DRD3: variants seen among roughly 807,000 people sequenced by gnomAD.
DRD3 encodes the protein dopamine receptor D3, also known as D(3) dopamine receptor.
DRD3 carries 19 observed loss-of-function variants against 36.3 expected under a neutral mutation model. That is an observed-to-expected ratio of 0.52 (90% CI 0.36 to 0.77). The LOEUF (loss-of-function observed/expected upper bound fraction) is 0.77, where lower values mean the gene tolerates loss of function less well. Among genes scored for constraint, DRD3 ranks in the 30% least tolerant of loss-of-function variants. The probability of loss-of-function intolerance (pLI) is 0.00; values close to 1 mark genes in which losing one functional copy is unlikely to be tolerated. For missense variants in DRD3, 465 were observed against 505.3 expected (o/e 0.92, Z 0.77); for synonymous variants, 195 against 203.7 (o/e 0.96, Z 0.36).
intron 3 of DRD3, among the ~76,000 whole-genome samples, chr3:114,156,972 CCTT>C (rs760813736): frequency 4.9e-4 from 71 of 146,252 alleles, no homozygotes; most frequent in Non-Finnish European, 8.2e-4. Context: ...TTCCTTCCTT[CCTT>C]CTTTCTTTCT....
chr3:114,147,957 A>T (rs1402673639), intron 3 of DRD3, among the ~76,000 whole-genome samples: 1 of 152,218 alleles, frequency 6.6e-6, no homozygotes, highest in Non-Finnish European at 1.5e-5. Flanking sequence ...TTTTCAAAAG[A>T]CCAGATGAAA....
chr3:114,185,055 A>G (rs1432778635), intron 1 of DRD3, among the ~76,000 whole-genome samples: 3 of 152,082 alleles, frequency 2.0e-5, no homozygotes, highest in African/African-American at 4.8e-5. Flanking sequence ...TTCATAATTC[A>G]CTGTCCTTAT....
chr3:114,194,319 A>G (rs757882102), intron 1 of DRD3, among the ~76,000 whole-genome samples: 25 of 151,992 alleles, frequency 1.6e-4, no homozygotes, highest in African/African-American at 4.8e-5. Flanking sequence ...GTCTCAGTCC[A>G]TCACCCAGGC....
intron 3 of DRD3, among the ~76,000 whole-genome samples, chr3:114,158,045 T>C (rs1223215423): frequency 6.6e-6 from 1 of 151,968 alleles, no homozygotes; most frequent in Admixed American, 6.6e-5. Flanking sequence ...GAGGTTACAG[T>C]GAGCCAAGAT....
rs180717612 is a variant in DRD3 at position 114,187,693 on chromosome 3, G to C, written c.-155-8917C>G. Among the ~76,000 whole-genome samples the C allele has an allele frequency of 9.0e-4, 137 of 152,290 alleles. 3 individuals are homozygous for C. The South Asian group carries it at 0.016, about 18-fold the overall frequency. ...TTTGGTATCACTAGAACTCTTGGGAGTTCAAAAACTCAGCTTTATTGGAAT... is the reference window on the plus strand; with the variant it reads ...TTTGGTATCACTAGAACTCTTGGGACTTCAAAAACTCAGCTTTATTGGAAT... On this transcript the variant is annotated intron_variant, in intron 1 of 7. Coordinates refer to the DRD3 transcript ENST00000460779.
chr3:114,193,935 T>C (rs989107522), intron 1 of DRD3, among the ~76,000 whole-genome samples: 1 of 152,248 alleles, frequency 6.6e-6, no homozygotes, highest in African/African-American at 2.4e-5. Context: ...ATTTTCCTGT[T>C]TCCTTATTCC....
chr3:114,136,452 A>G (rs944899589), intron 5 of DRD3, among the ~76,000 whole-genome samples: 29 of 152,290 alleles, frequency 1.9e-4, no homozygotes, highest in Admixed American at 3.9e-4. Context: ...CCACTCCCAG[A>G]TGGCAGGACA....
At chr3:114,149,063 A>G (rs563872546) in intron 3 of DRD3, among the ~76,000 whole-genome samples, 1 of 152,318 alleles carries the variant, frequency 6.6e-6, no homozygotes, top group East Asian at 1.9e-4. Context: ...AGTCCCAACT[A>G]TACGCCAGGC....
intron 3 of DRD3, among the ~76,000 whole-genome samples, chr3:114,151,549 A>G (rs1468155212): frequency 1.3e-5 from 2 of 152,228 alleles, no homozygotes; most frequent in East Asian, 1.9e-4. Flanking sequence ...AATTTTGCCA[A>G]TCAGCTCTCG....
At chr3:114,134,477 T>C (rs2077458392) in intron 5 of DRD3, among the ~76,000 whole-genome samples, 1 of 152,164 alleles carries the variant, frequency 6.6e-6, no homozygotes, top group African/African-American at 2.4e-5. Flanking sequence ...TGGAGTGAAG[T>C]GGCATGATCT....
chr3:114,147,657 C>T, intron 3 of DRD3, 100 bp from the exon 4 acceptor site: 1 of 1,412,638 alleles, frequency 7.1e-7, no homozygotes, highest in Non-Finnish European at 9.7e-7. Context: ...CAGGGTCTCA[C>T]TCTGTCACCC....
In DRD3 at chr3:114,139,487, C is replaced by G; in HGVS notation, c.723+13G>C. On this transcript the variant is annotated intron_variant, in intron 5 of 6. Transcript: ENST00000383673. The stretch of plus-strand genomic sequence containing the variant: ...GGGTGTTGTCTTCCCTCTACCCCCT[C>G]CAGGGTACTTACTTGCTGGGGGAAG... The G allele has an allele frequency of 6.2e-7, 1 of 1,610,092 alleles. No homozygotes were observed. Among genetic ancestry groups the G allele is most frequent in the East Asian group, 2.2e-5 (1 of 44,874 alleles).
chr3:114,148,266 C>G (rs2077586532), intron 3 of DRD3, among the ~76,000 whole-genome samples: 1 of 152,152 alleles, frequency 6.6e-6, no homozygotes, highest in African/African-American at 2.4e-5. Flanking sequence ...TTTACCGTCT[C>G]CTGCAGGTTT....
intron 2 of DRD3, among the ~76,000 whole-genome samples, chr3:114,161,028 T>C (rs2077727494): frequency 6.6e-6 from 1 of 152,212 alleles, no homozygotes; most frequent in Non-Finnish European, 1.5e-5. Flanking sequence ...CAGGAAGATG[T>C]GTCAGGGAGA....
At chr3:114,131,759 A>G (rs1438065971) in intron 5 of DRD3, among the ~76,000 whole-genome samples, 1 of 152,234 alleles carries the variant, frequency 6.6e-6, no homozygotes, top group Non-Finnish European at 1.5e-5. Flanking sequence ...AAGGATATGA[A>G]TAGACACTTC....
chr3:114,129,246 G>C (rs930426872), intron 6 of DRD3, among the ~76,000 whole-genome samples: 7 of 152,078 alleles, frequency 4.6e-5, no homozygotes, highest in African/African-American at 1.7e-4. Flanking sequence ...GGGAAGCTGG[G>C]GCAGGAGAGT....
At chr3:114,129,524 A>G (rs1166614700) in intron 6 of DRD3, among the ~76,000 whole-genome samples, 2 of 152,098 alleles carry the variant, frequency 1.3e-5, no homozygotes, top group East Asian at 3.9e-4. Flanking sequence ...TTTCAATTCA[A>G]TTCAGACGTT....
At chr3:114,164,101 A>T (rs904631121) in intron 2 of DRD3, among the ~76,000 whole-genome samples, 6 of 150,802 alleles carry the variant, frequency 4.0e-5, no homozygotes, top group African/African-American at 9.8e-5. Flanking sequence ...GGCGCCTGTT[A>T]TCCTACCTAC....
chr3:114,196,677 T>C (rs1447801247), intron 1 of DRD3, among the ~76,000 whole-genome samples: 1 of 152,266 alleles, frequency 6.6e-6, no homozygotes, highest in Admixed American at 6.5e-5. Flanking sequence ...GTCATACTAA[T>C]AGATATGACC....
Sources: gnomAD v4.1 joint callset for allele counts (sites outside exome capture counted in the v4.1 genomes callset) on GRCh38, gnomAD v4.1.1 for gene constraint, MANE v1.5 for transcripts, NCBI Gene and HGNC (gene_info 2026-07-23, HGNC 2026-07-21) for gene names.